PDE4B: variants seen among roughly 807,000 people sequenced by gnomAD.
PDE4B encodes 3',5'-cyclic-AMP phosphodiesterase 4B.
A neutral mutation model predicts 82.2 loss-of-function variants in PDE4B; 20 were observed. The ratio of observed to expected loss-of-function variants is 0.24; its 90% CI spans 0.17 to 0.35. The LOEUF (loss-of-function observed/expected upper bound fraction) is 0.35, where lower values mean the gene tolerates loss of function less well. Ranked by LOEUF, PDE4B falls within the 10% of genes least tolerant of loss-of-function variation. The pLI is 1.00. For synonymous variants in PDE4B, 320 were observed against 318.9 expected, an observed-to-expected ratio of 1.00 and a Z score of -0.04; for missense variants, 655 against 907.2, an observed-to-expected ratio of 0.72 and a Z score of 3.57.
At chr1:65,995,547 CCTCCTGT>C (rs1250444808) in intron 3 of PDE4B, among the ~76,000 whole-genome samples, 1 of 152,174 alleles carries the variant, frequency 6.6e-6, no homozygotes, top group Non-Finnish European at 1.5e-5. Context: ...GTCTGCTCTA[CCTCCTGT>C]CTCTAAGACT....
At chr1:66,017,737 A>T (rs1652857513) in intron 3 of PDE4B, among the ~76,000 whole-genome samples, 1 of 152,070 alleles carries the variant, frequency 6.6e-6, no homozygotes, top group Non-Finnish European at 1.5e-5. Context: ...GAGATTAGAA[A>T]CTCAGCTGAG....
chr1:66,068,381 A>G (rs373339335), intron 3 of PDE4B, among the ~76,000 whole-genome samples: 11 of 152,130 alleles, frequency 7.2e-5, no homozygotes, highest in East Asian at 5.8e-4. Context: ...AGATAGAAAT[A>G]TAGAAACAGA....
At chr1:65,825,715 T>TATCTATCTATC (rs1646008189) in intron 1 of PDE4B, among the ~76,000 whole-genome samples, 2 of 144,838 alleles carry the variant, frequency 1.4e-5, no homozygotes, top group East Asian at 4.2e-4. Flanking sequence ...CCTATCTATC[T>TATCTATCTATC]ATCTATCTAT....
At chr1:66,151,320 T>C (rs1198826270) in intron 3 of PDE4B, among the ~76,000 whole-genome samples, 1 of 152,140 alleles carries the variant, frequency 6.6e-6, no homozygotes, top group African/African-American at 2.4e-5. Flanking sequence ...TTAATCTCAT[T>C]AGTCTGGTTA....
At chr1:66,208,850 T>C (rs1168441057) in intron 3 of PDE4B, among the ~76,000 whole-genome samples, 1 of 152,232 alleles carries the variant, frequency 6.6e-6, no homozygotes, top group Non-Finnish European at 1.5e-5. Flanking sequence ...ATTTAATTCT[T>C]ACCAAAACTC....
chr1:65,968,042 C>G (rs1408489804), intron 3 of PDE4B, among the ~76,000 whole-genome samples: 1 of 151,816 alleles, frequency 6.6e-6, no homozygotes, highest in Non-Finnish European at 1.5e-5. Context: ...AAAATGCATA[C>G]TTGATTGAGC....
At chr1:66,068,214 C>T (rs1361149009) in intron 3 of PDE4B, among the ~76,000 whole-genome samples, 1 of 151,858 alleles carries the variant, frequency 6.6e-6, no homozygotes, top group South Asian at 2.1e-4. Context: ...GGAGAACTAT[C>T]CCTGAAGGAA....
At chr1:66,206,455 G>C (rs757125038) in intron 3 of PDE4B, among the ~76,000 whole-genome samples, 1 of 152,174 alleles carries the variant, frequency 6.6e-6, no homozygotes, top group Non-Finnish European at 1.5e-5. Flanking sequence ...TGATAATCTT[G>C]AACAGGAAGG....
At chr1:66,028,128 G>C (rs899863857) in intron 3 of PDE4B, among the ~76,000 whole-genome samples, 3 of 152,334 alleles carry the variant, frequency 2.0e-5, no homozygotes, top group Middle Eastern at 3.4e-3. Context: ...ACTTTTGCCT[G>C]GGCATGCGTG....
At chr1:65,896,940 A>G (rs933113199) in intron 1 of PDE4B, among the ~76,000 whole-genome samples, 5 of 152,078 alleles carry the variant, frequency 3.3e-5, no homozygotes, top group Admixed American at 1.3e-4. Context: ...GTGTTTTTTA[A>G]AAGGAAGTGA....
At position 66,028,771 on chromosome 1, in the gene PDE4B, A is replaced by G. The variant is rs1159601793; in HGVS notation, c.281+109936A>G. Among the ~76,000 whole-genome samples, 2 of 152,202 alleles carry G rather than the reference A, an allele frequency of 1.3e-5. 1 individual carries two copies. The highest frequency in any genetic ancestry group is 2.9e-5 in the Non-Finnish European group (2 of 68,030). On this transcript the variant is annotated intron_variant, in intron 3 of 16. Transcript: ENST00000341517. Reference sequence around the variant, plus strand: ...CCAGTCTTTTTGTTAAAACATAACAAGAGTCACCTTTGCTCCAGTTCCCAA... The same window carrying G: ...CCAGTCTTTTTGTTAAAACATAACAGGAGTCACCTTTGCTCCAGTTCCCAA...
At chr1:66,199,274 T>G (rs2101520892) in intron 3 of PDE4B, among the ~76,000 whole-genome samples, 1 of 151,790 alleles carries the variant, frequency 6.6e-6, no homozygotes, top group Non-Finnish European at 1.5e-5. Flanking sequence ...CAGCACCTGT[T>G]GTTTCCTGAC....
intron 6 of PDE4B, among the ~76,000 whole-genome samples, chr1:66,262,215 T>C (rs519712): frequency 0.21 from 32,435 of 152,208 alleles, 7,178 homozygotes; most frequent in African/African-American, 0.55. Flanking sequence ...GATCATAAAA[T>C]GTTTAGCGTT....
intron 3 of PDE4B, among the ~76,000 whole-genome samples, chr1:65,989,892 C>A (rs1365705248): frequency 6.1e-5 from 1 of 16,346 alleles, no homozygotes; most frequent in African/African-American, 1.4e-4. Flanking sequence ...CAAAGTGTCT[C>A]ATTTTTTTTT....
At position 66,189,163 on chromosome 1, in the gene PDE4B, C is replaced by G. The variant is rs926412033; in HGVS notation, c.282-58297C>G. On this transcript the variant is annotated intron_variant, in intron 3 of 16. Transcript: ENST00000341517. ...CTTTAAGAATGTTGAATATTGGCCC[C>G]CACTCTCTGCTGGCTTGTAGAGTTT... Among the ~76,000 whole-genome samples the G allele has an allele frequency of 1.3e-5, 2 of 152,132 alleles. 1 individual carries two copies. The highest frequency in any genetic ancestry group is 6.8e-3 in the Middle Eastern group (2 of 294).
At chr1:66,336,264 TGCA>T (rs899379558) in intron 8 of PDE4B, among the ~76,000 whole-genome samples, 1 of 152,134 alleles carries the variant, frequency 6.6e-6, no homozygotes, top group Non-Finnish European at 1.5e-5. Context: ...AGTACAGGGT[TGCA>T]ACAACAGTGG....
chr1:66,115,974 T>A, intron 3 of PDE4B, among the ~76,000 whole-genome samples: 1 of 152,220 alleles, frequency 6.6e-6, no homozygotes, highest in East Asian at 1.9e-4. Context: ...ATTGGCAACA[T>A]TCTATTTCTT....
intron 7 of PDE4B, among the ~76,000 whole-genome samples, chr1:66,306,852 G>A (rs1029430212): frequency 6.6e-6 from 1 of 152,154 alleles, no homozygotes; most frequent in Non-Finnish European, 1.5e-5. Context: ...CTTATGATGA[G>A]TTTATAGAAG....
At chr1:65,905,045 C>A (rs1019951284) in intron 1 of PDE4B, among the ~76,000 whole-genome samples, 5 of 152,094 alleles carry the variant, frequency 3.3e-5, no homozygotes, top group African/African-American at 1.2e-4. Context: ...TAGCAAGAGG[C>A]CTCAAGCCTA....
Sources: allele counts gnomAD v4.1 joint callset (sites outside exome capture counted in the v4.1 genomes callset), GRCh38; gene constraint gnomAD v4.1.1; transcripts MANE v1.5; gene names NCBI Gene and HGNC (gene_info 2026-07-23, HGNC 2026-07-21).